The following RERE variants were observed in gnomAD, a reference collection of about 807,000 sequenced individuals.
RERE encodes the protein arginine-glutamic acid dipeptide repeats protein.
Under a neutral mutation model 146.1 loss-of-function variants are expected in RERE, and 40 were observed. That is an observed-to-expected ratio of 0.27 (90% CI 0.21 to 0.36). The LOEUF (loss-of-function observed/expected upper bound fraction) is 0.36. Ranked by LOEUF, RERE falls within the 10% of genes least tolerant of loss-of-function variation. The pLI is 1.00. For missense variants in RERE, 1,933 were observed against 2,138.7 expected, an observed-to-expected ratio of 0.90 and a Z score of 1.90; for synonymous variants, 1,003 against 866.0, an observed-to-expected ratio of 1.16 and a Z score of -2.78.
At chr1:8,558,737 T>C (rs918228293) in intron 4 of RERE, among the ~76,000 whole-genome samples, 7 of 151,872 alleles carry the variant, frequency 4.6e-5, no homozygotes, top group African/African-American at 1.2e-4. Context: ...AAGATGACAA[T>C]TGCCACAAGT....
chr1:8,631,453 A>T (rs1467298024), intron 2 of RERE, among the ~76,000 whole-genome samples: 1 of 152,218 alleles, frequency 6.6e-6, no homozygotes, highest in East Asian at 1.9e-4. Flanking sequence ...TAACTGCTGC[A>T]GCATGAAGCA....
chr1:8,756,293 A>G (rs1251557371), intron 1 of RERE, among the ~76,000 whole-genome samples: 1 of 152,246 alleles, frequency 6.6e-6, no homozygotes, highest in Non-Finnish European at 1.5e-5. Flanking sequence ...TCAGAGCACC[A>G]CTTATAACTA....
intron 1 of RERE, among the ~76,000 whole-genome samples, chr1:8,660,493 C>T (rs184593259): frequency 1.3e-5 from 2 of 152,348 alleles, no homozygotes; most frequent in Admixed American, 6.5e-5. Flanking sequence ...TTGTCATCCT[C>T]GCTTTACAGT....
intron 5 of RERE, 62 bp from the exon 6 acceptor site, chr1:8,556,633 T>C (rs755732674): frequency 1.5e-5 from 16 of 1,067,806 alleles, no homozygotes; most frequent in African/African-American, 4.7e-5. Context: ...TAAAAAAAAT[T>C]TGTAAAACTT....
At chr1:8,395,427 A>T (rs1643021795) in intron 12 of RERE, among the ~76,000 whole-genome samples, 1 of 151,642 alleles carries the variant, frequency 6.6e-6, no homozygotes, top group African/African-American at 2.4e-5. Context: ...GTGAGCTGAG[A>T]TCACGCCACT....
At chr1:8,804,477 G>A (rs576800403) in intron 1 of RERE, among the ~76,000 whole-genome samples, 1 of 152,322 alleles carries the variant, frequency 6.6e-6, no homozygotes, top group South Asian at 2.1e-4. Flanking sequence ...CAGATGTAGT[G>A]CAATACTGAT....
At chr1:8,774,022 T>A (rs1641007398) in intron 1 of RERE, among the ~76,000 whole-genome samples, 1 of 152,186 alleles carries the variant, frequency 6.6e-6, no homozygotes, top group Admixed American at 6.5e-5. Context: ...CAGGATCCTA[T>A]CATAATCCAG....
intron 4 of RERE, among the ~76,000 whole-genome samples, chr1:8,600,372 T>C (rs912408013): frequency 6.6e-5 from 10 of 152,232 alleles, no homozygotes; most frequent in Non-Finnish European, 1.5e-4. Context: ...CCAGCTGTTT[T>C]TCTTTAAGAA....
At chr1:8,551,633 A>T (rs1645937078) in intron 6 of RERE, among the ~76,000 whole-genome samples, 1 of 152,180 alleles carries the variant, frequency 6.6e-6, no homozygotes, top group African/African-American at 2.4e-5. Flanking sequence ...GCAGAAATTC[A>T]ATGAGCTATG....
intron 11 of RERE, among the ~76,000 whole-genome samples, chr1:8,463,671 G>A (rs1039772726): frequency 6.6e-6 from 1 of 152,198 alleles, no homozygotes; most frequent in African/African-American, 2.4e-5. Context: ...GCCATGGCTA[G>A]CGAGGGGCTG....
intron 7 of RERE, among the ~76,000 whole-genome samples, chr1:8,518,394 A>T (rs1277299998): frequency 6.6e-6 from 1 of 152,162 alleles, no homozygotes; most frequent in Non-Finnish European, 1.5e-5. Context: ...ATCACTGAGA[A>T]ATCTCTCTCC....
intron 10 of RERE, among the ~76,000 whole-genome samples, chr1:8,469,630 T>C (rs1644653685): frequency 6.6e-6 from 1 of 151,748 alleles, no homozygotes; most frequent in Admixed American, 6.6e-5. Context: ...CTCAAAAAAA[T>C]AATAATAGTA....
intron 1 of RERE, among the ~76,000 whole-genome samples, chr1:8,686,421 C>T (rs1215595817): frequency 6.6e-6 from 1 of 152,192 alleles, no homozygotes; most frequent in Non-Finnish European, 1.5e-5. Flanking sequence ...CAGGACTTTA[C>T]ATTCTGGTGG....
intron 6 of RERE, among the ~76,000 whole-genome samples, chr1:8,545,982 C>CTTTTTTTTTTTTTTTTTTTTTTTTTTTTT (rs3050828): frequency 4.3e-5 from 3 of 69,466 alleles, no homozygotes; most frequent in African/African-American, 1.8e-4. Flanking sequence ...CATACCCAGT[C>CTTTTTTTTTTTTTTTTTTTTTTTTTTTTT]TTTTTTTTTT....
Position 8,787,967 on chromosome 1 carries a change from G to A in RERE, c.-145+29193C>T, listed in dbSNP as rs549271161. ...ACAAAAATTAGCCAGGCATAGTGGC[G>A]CACACCTGTAGTCCCAGCTACTTCG... is the stretch of plus-strand genomic sequence containing the variant. On this transcript the variant is annotated intron_variant, in intron 1 of 22. Coordinates refer to ENST00000400908, the MANE Select transcript of RERE (RefSeq NM_001042681.2). Among the ~76,000 whole-genome samples the A allele has an allele frequency of 7.9e-5, 12 of 152,026 alleles. No homozygotes were observed. The East Asian group carries it at 2.1e-3, about 27-fold the overall frequency.
rs143633634 is a variant in RERE at position 8,768,797 on chromosome 1, G to C, written c.-145+48363C>G. Among the ~76,000 whole-genome samples, 3 of 152,182 alleles carry C rather than the reference G, an allele frequency of 2.0e-5. No individual in the cohort carries two copies. The East Asian group carries it at 5.8e-4, about 29-fold the overall frequency. ...CTTTGGTTCTATTCTCATAATACAA[G>C]AGCTCTAAAGTCTCAAAAATGTGGG... On this transcript the variant is annotated intron_variant, in intron 1 of 22. Transcript: ENST00000400908.
At chr1:8,393,754 G>A (rs1224777138) in intron 12 of RERE, among the ~76,000 whole-genome samples, 3 of 152,096 alleles carry the variant, frequency 2.0e-5, no homozygotes, top group African/African-American at 7.2e-5. Context: ...CAATTTACAT[G>A]AATGAAAGTT....
chr1:8,360,348 G>A lies in RERE; in HGVS notation c.3159C>T (p.Pro1053=). The part of the protein sequence containing the change: ...GPPPITPPTC[P]STSTPPAGPG... ...GTCCCGCCGGTGGGGTAGAGGTGGA[G>A]GGGCAGGTCGGAGGGGTGATGGGAG... is the stretch of plus-strand genomic sequence containing the variant. The change falls in exon 18 of 23, where the codon CCC becomes CCT. Residue 1053 remains proline, a synonymous_variant. Coordinates refer to ENST00000400908, the MANE Select transcript of RERE (RefSeq NM_001042681.2). 1 of 1,500,878 alleles carries A rather than the reference G, an allele frequency of 6.7e-7. No homozygotes were observed. The highest frequency in any genetic ancestry group is 1.3e-5 in the South Asian group (1 of 77,426). 93.0% of individuals were successfully genotyped at this position (1,500,878 alleles called of 1,614,324 possible). A position where few individuals can be genotyped will look rare whatever the true frequency, so the allele number is the denominator to read the frequency against.
chr1:8,554,233 T>C (rs1645976381), intron 6 of RERE, among the ~76,000 whole-genome samples: 1 of 152,134 alleles, frequency 6.6e-6, no homozygotes, highest in African/African-American at 2.4e-5. Context: ...AGTACTCAAA[T>C]ATGTTGATTT....
Sources: gnomAD v4.1 joint callset for allele counts (sites outside exome capture counted in the v4.1 genomes callset) on GRCh38, gnomAD v4.1.1 for gene constraint, MANE v1.5 for transcripts, NCBI Gene and HGNC (gene_info 2026-07-23, HGNC 2026-07-21) for gene names.